Variants in PREX2 observed in about 807,000 individuals in gnomAD.
The protein encoded by PREX2 is phosphatidylinositol-3,4,5-trisphosphate dependent Rac exchange factor 2, also known as phosphatidylinositol 3,4,5-trisphosphate-dependent Rac exchanger 2 protein.
PREX2 carries 107 observed loss-of-function variants against 203.2 expected under a neutral mutation model. That is an observed-to-expected ratio of 0.53 (90% CI 0.45 to 0.62). PREX2 has a LOEUF of 0.62. Ranked by LOEUF, PREX2 falls within the 20% of genes least tolerant of loss-of-function variation. The pLI, the probability that PREX2 is intolerant of heterozygous loss-of-function variation, is 0.00. For missense variants in PREX2, 1,777 were observed against 1,955.9 expected (o/e 0.91, Z 1.72); for synonymous variants, 672 against 663.6 (o/e 1.01, Z -0.19).
chr8:68,196,441 T>A (rs1162554870), intron 37 of PREX2, among the ~76,000 whole-genome samples: 1 of 147,338 alleles, frequency 6.8e-6, no homozygotes, highest in Non-Finnish European at 1.5e-5. Flanking sequence ...TATATTTTTT[T>A]ATATATTTAA....
At chr8:68,120,149 C>A in intron 28 of PREX2, 47 bp from the exon 29 acceptor site, 1 of 1,227,826 alleles carries the variant, frequency 8.1e-7, no homozygotes, top group Non-Finnish European at 1.2e-6. Context: ...AAATACGTAT[C>A]ATGTACTATG....
chr8:67,956,708 G>A (rs2129016739), intron 1 of PREX2, among the ~76,000 whole-genome samples: 1 of 152,284 alleles, frequency 6.6e-6, no homozygotes, highest in South Asian at 2.1e-4. Flanking sequence ...AGGGTGAAAG[G>A]GAGTGCTATT....
Position 68,134,231 on chromosome 8 carries a change from T to A in PREX2, c.3939T>A (p.Asn1313Lys), listed in dbSNP as rs762904030. The A allele has an allele frequency of 1.9e-6, 3 of 1,614,124 alleles. No individual in the cohort carries two copies. Among genetic ancestry groups the A allele is most frequent in the Non-Finnish European group, 1.7e-6 (2 of 1,179,996 alleles). The change falls in exon 32 of 40, where the codon AAT (asparagine) becomes AAA (lysine). Residue 1313 changes from asparagine to lysine, a missense_variant. Coordinates refer to ENST00000288368, the MANE Select transcript of PREX2 (RefSeq NM_024870.4). ...ASRRWLDQIA[N>K]AGVLFHFQSL... ...GGAGGTGGCTGGACCAGATAGCGAA[T>A]GCAGGTGTTCTTTTTCACTTTCAGT...
intron 21 of PREX2, among the ~76,000 whole-genome samples, chr8:68,094,744 TCC>T (rs1414522619): frequency 2.0e-5 from 3 of 152,156 alleles, no homozygotes; most frequent in African/African-American, 7.2e-5. Context: ...ACCAACCAAT[TCC>T]CCAAATCTCC....
intron 26 of PREX2, among the ~76,000 whole-genome samples, chr8:68,118,255 T>C (rs1810697098): frequency 6.6e-6 from 1 of 150,514 alleles, no homozygotes. Context: ...CTCGGGAGGC[T>C]GAGGCAGGAG....
intron 35 of PREX2, among the ~76,000 whole-genome samples, chr8:68,164,802 G>A (rs1254902964): frequency 2.0e-5 from 3 of 150,574 alleles, no homozygotes; most frequent in Admixed American, 6.6e-5. Context: ...GGCTGGTCTC[G>A]AACTCCCAAC....
intron 35 of PREX2, among the ~76,000 whole-genome samples, chr8:68,170,632 CTATT>C (rs1045272154): frequency 6.6e-6 from 1 of 152,186 alleles, no homozygotes; most frequent in Non-Finnish European, 1.5e-5. Context: ...TGATTTCTTT[CTATT>C]TATTGAAGAG....
Position 68,109,477 on chromosome 8 carries a change from T to C in PREX2, c.3000T>C (p.Gly1000=), listed in dbSNP as rs1202144024. Residue 1000 remains glycine, a synonymous_variant, in exon 25 of 40, where the codon GGT becomes GGC. Coordinates refer to ENST00000288368, the MANE Select transcript of PREX2 (RefSeq NM_024870.4). The part of the protein sequence containing the change: ...HTITTMAAPS[G]LSLGQQDGHG... ...TCACAACCATGGCGGCCCCTTCAGG[T>C]CTGTCTCTGGGACAGCAGGATGGCC... 2 of 1,613,922 alleles carry C rather than the reference T, an allele frequency of 1.2e-6. No individual in the cohort carries two copies. Among genetic ancestry groups the C allele is most frequent in the Non-Finnish European group, 1.7e-6 (2 of 1,179,934 alleles).
chr8:67,990,557 T>C (rs571778287), intron 1 of PREX2, among the ~76,000 whole-genome samples: 1 of 151,612 alleles, frequency 6.6e-6, no homozygotes, highest in East Asian at 2.0e-4. Flanking sequence ...TCACTCAGGC[T>C]GGAATGCAGT....
At chr8:67,965,426 A>C (rs1288087867) in intron 1 of PREX2, among the ~76,000 whole-genome samples, 1 of 152,096 alleles carries the variant, frequency 6.6e-6, no homozygotes, top group Non-Finnish European at 1.5e-5. Context: ...TGATCAAATC[A>C]CAAGACATTT....
intron 1 of PREX2, among the ~76,000 whole-genome samples, chr8:67,976,574 GAC>G (rs10581121): frequency 5.8e-3 from 612 of 104,792 alleles, no homozygotes; most frequent in East Asian, 0.011. Flanking sequence ...CAGAGACAGA[GAC>G]AGAGAGAGAG....
intron 1 of PREX2, among the ~76,000 whole-genome samples, chr8:67,963,060 A>C (rs1029179699): frequency 4.6e-5 from 7 of 152,136 alleles, no homozygotes; most frequent in African/African-American, 7.2e-5. Context: ...TATAGTGATA[A>C]AAGTTTTAGG....
chr8:68,073,716 G>A (rs1037307325), intron 14 of PREX2, among the ~76,000 whole-genome samples: 2 of 152,078 alleles, frequency 1.3e-5, no homozygotes, highest in East Asian at 1.9e-4. Flanking sequence ...TGTGTCATTC[G>A]AGCTGATTTC....
intron 34 of PREX2, among the ~76,000 whole-genome samples, chr8:68,147,737 T>C (rs1811356806): frequency 6.6e-6 from 1 of 152,232 alleles, no homozygotes; most frequent in African/African-American, 2.4e-5. Flanking sequence ...ACCTCAAATA[T>C]ACTTGGCAGG....
intron 1 of PREX2, among the ~76,000 whole-genome samples, chr8:67,976,063 T>C (rs1806074635): frequency 6.6e-6 from 1 of 152,098 alleles, no homozygotes; most frequent in Admixed American, 6.6e-5. Flanking sequence ...GATTCTTCTA[T>C]ACTTTTAGGC....
At chr8:68,154,198 T>A (rs1019444589) in intron 34 of PREX2, among the ~76,000 whole-genome samples, 1 of 152,226 alleles carries the variant, frequency 6.6e-6, no homozygotes, top group African/African-American at 2.4e-5. Flanking sequence ...AAACTTTGTG[T>A]TTGGCTAAGC....
intron 37 of PREX2, among the ~76,000 whole-genome samples, chr8:68,194,815 T>C (rs74601479): frequency 7.1e-6 from 1 of 140,278 alleles, no homozygotes; most frequent in Non-Finnish European, 1.6e-5. Flanking sequence ...AAAAAAAAAA[T>C]ATGAAGGAGT....
intron 37 of PREX2, among the ~76,000 whole-genome samples, chr8:68,213,457 G>A (rs1421057030): frequency 6.6e-6 from 1 of 152,124 alleles, no homozygotes; most frequent in African/African-American, 2.4e-5. Flanking sequence ...GCAACTTGTG[G>A]TATTTGTAGG....
At chr8:67,975,164 C>G (rs537947337) in intron 1 of PREX2, among the ~76,000 whole-genome samples, 52 of 151,548 alleles carry the variant, frequency 3.4e-4, no homozygotes, top group African/African-American at 1.2e-3. Flanking sequence ...CTCACCCTGA[C>G]CTACTGAAAA....
Sources: allele counts gnomAD v4.1 joint callset (sites outside exome capture counted in the v4.1 genomes callset), GRCh38; gene constraint gnomAD v4.1.1; transcripts MANE v1.5; gene names NCBI Gene and HGNC (gene_info 2026-07-23, HGNC 2026-07-21).